Variants in RABEP1 observed in about 807,000 individuals in gnomAD.
The protein encoded by RABEP1 is rab GTPase-binding effector protein 1.
Under a neutral mutation model 123.4 loss-of-function variants are expected in RABEP1, and 51 were observed. The ratio of observed to expected loss-of-function variants is 0.41; its 90% CI spans 0.33 to 0.52. RABEP1 has a LOEUF of 0.52. RABEP1 is among the 20% of genes least tolerant of loss of function. RABEP1 has a pLI of 0.16. For synonymous variants in RABEP1, 347 were observed against 355.2 expected (o/e 0.98, Z 0.26); for missense variants, 888 against 996.3 (o/e 0.89, Z 1.46).
At chr17:5,325,741 T>C (rs1368953405) in intron 2 of RABEP1, among the ~76,000 whole-genome samples, 1 of 151,628 alleles carries the variant, frequency 6.6e-6, no homozygotes, top group Non-Finnish European at 1.5e-5. Flanking sequence ...CCGACAAATA[T>C]TTAGGGTGAT....
intron 1 of RABEP1, among the ~76,000 whole-genome samples, chr17:5,304,342 G>A (rs1416774871): frequency 1.3e-5 from 2 of 152,212 alleles, no homozygotes; most frequent in Non-Finnish European, 2.9e-5. Flanking sequence ...CACTTTGGAC[G>A]GCTGAGGCGG....
chr17:5,369,939 TC>T (rs1375102228), intron 12 of RABEP1, among the ~76,000 whole-genome samples: 1 of 152,162 alleles, frequency 6.6e-6, no homozygotes, highest in African/African-American at 2.4e-5. Context: ...CCTCAGGTGA[TC>T]CACCCGCGTT....
chr17:5,329,958 A>G (rs867100378), intron 2 of RABEP1, among the ~76,000 whole-genome samples: 2 of 152,072 alleles, frequency 1.3e-5, no homozygotes, highest in Admixed American at 1.3e-4. Flanking sequence ...TCATAATGAC[A>G]ACATGGTAGT....
intron 1 of RABEP1, among the ~76,000 whole-genome samples, chr17:5,295,492 T>G (rs781686033): frequency 8.5e-6 from 1 of 117,938 alleles, no homozygotes; most frequent in Non-Finnish European, 1.8e-5. Flanking sequence ...ATTGTTTTTA[T>G]TTTTTTCTAT....
chr17:5,334,831 G>A (rs1015049201), intron 3 of RABEP1, among the ~76,000 whole-genome samples: 2 of 152,142 alleles, frequency 1.3e-5, no homozygotes, highest in South Asian at 2.1e-4. Context: ...TGCCTTGGGA[G>A]CCATAGTATA....
At chr17:5,290,203 T>G (rs1350193748) in intron 1 of RABEP1, among the ~76,000 whole-genome samples, 1 of 152,210 alleles carries the variant, frequency 6.6e-6, no homozygotes, top group Non-Finnish European at 1.5e-5. Context: ...TTCTCCTGCC[T>G]CAGCCTCCCA....
At chr17:5,343,540 A>C (rs1907795021) in intron 5 of RABEP1, among the ~76,000 whole-genome samples, 1 of 152,142 alleles carries the variant, frequency 6.6e-6, no homozygotes, top group Non-Finnish European at 1.5e-5. Context: ...AGCCCGGGAG[A>C]CAGGTTTATT....
In RABEP1 at chr17:5,361,348, A is replaced by C; in HGVS notation, c.1236A>C (p.Gly412=). The C allele has an allele frequency of 6.2e-7, 1 of 1,614,164 alleles. No individual in the cohort carries two copies. The highest frequency in any genetic ancestry group is 1.3e-5 in the African/African-American group (1 of 75,038). ...GAGCACAGTCTACAGACAGCTTGGG[A>C]ACCTCGGGCTCATTGCAATCCAAAG... is the stretch of plus-strand genomic sequence containing the variant. The part of the protein sequence containing the change: ...LRRAQSTDSL[G]TSGSLQSKAL... Residue 412 remains glycine, a synonymous_variant, in exon 9 of 18, where the codon GGA becomes GGC. Transcript: ENST00000537505.
rs539547822 is a variant in RABEP1 at position 5,337,720 on chromosome 17, A to G, written c.529-299A>G. Among the ~76,000 whole-genome samples the G allele has an allele frequency of 3.3e-5, 5 of 152,206 alleles. No individual in the cohort carries two copies. In the South Asian group the frequency reaches 1.0e-3, roughly 32 times the overall value. On this transcript the variant is annotated intron_variant, in intron 4 of 17. Coordinates refer to ENST00000537505, the MANE Select transcript of RABEP1 (RefSeq NM_004703.6). ...AAAAAAAAATTTATTTATTATGTGT[A>G]TTTCCTTTTATATATGGGATATTTT...
At chr17:5,348,907 A>G (rs1047819957) in intron 6 of RABEP1, among the ~76,000 whole-genome samples, 6 of 152,310 alleles carry the variant, frequency 3.9e-5, no homozygotes, top group Non-Finnish European at 2.9e-5. Flanking sequence ...TTTGCATGCC[A>G]TAAAGTTCAC....
At chr17:5,380,037 T>C (rs1037272112) in intron 15 of RABEP1, among the ~76,000 whole-genome samples, 1 of 152,218 alleles carries the variant, frequency 6.6e-6, no homozygotes, top group African/African-American at 2.4e-5. Context: ...CCTGTAAAAA[T>C]GTAGGAGTCA....
At chr17:5,366,640 T>G (rs1910020204) in intron 11 of RABEP1, among the ~76,000 whole-genome samples, 1 of 151,850 alleles carries the variant, frequency 6.6e-6, no homozygotes, top group Non-Finnish European at 1.5e-5. Flanking sequence ...GAGATGGGGT[T>G]TCACGTTGTT....
chr17:5,368,573 G>T (rs1289203948), intron 12 of RABEP1, 105 bp downstream of exon 12: 6 of 763,274 alleles, frequency 7.9e-6, no homozygotes, highest in Non-Finnish European at 1.1e-5. Context: ...GTCCAAAGTA[G>T]TTACTGTTGT....
chr17:5,330,996 C>T (rs1237163421), intron 2 of RABEP1, among the ~76,000 whole-genome samples: 1 of 148,536 alleles, frequency 6.7e-6, no homozygotes, highest in Non-Finnish European at 1.5e-5. Context: ...TGCACTCCAG[C>T]CTGTGCGACA....
At chr17:5,377,331 GA>G in intron 14 of RABEP1, 26 bp downstream of exon 14, 1 of 1,537,534 alleles carries the variant, frequency 6.5e-7, no homozygotes, top group Non-Finnish European at 8.7e-7. Flanking sequence ...ATGTAGTTTA[GA>G]ATTAGAGTCA....
intron 2 of RABEP1, among the ~76,000 whole-genome samples, chr17:5,316,502 C>T (rs1458032490): frequency 5.9e-5 from 8 of 136,062 alleles, no homozygotes; most frequent in South Asian, 2.4e-4. Flanking sequence ...GATAGACATT[C>T]GCAAAAAGAA....
At chr17:5,381,568 G>C (rs776096221) in intron 17 of RABEP1, 63 bp downstream of exon 17, 3 of 1,554,524 alleles carry the variant, frequency 1.9e-6, no homozygotes, top group Non-Finnish European at 1.7e-6. Context: ...GAACCTTGCC[G>C]ATCCCTGACT....
rs1597308046 is a variant in RABEP1 at position 5,384,535 on chromosome 17, G to C, written c.*1312G>C. The C allele has an allele frequency of 4.6e-6, 1 of 215,564 alleles. No individual in the cohort carries two copies. The allele number at this position is 215,564 out of a possible 1,614,324, so 13.4% of individuals were successfully genotyped here. A position where few individuals can be genotyped will look rare whatever the true frequency, so the allele number is the denominator to read the frequency against. On this transcript the variant is annotated 3_prime_UTR_variant, in exon 18 of 18. Transcript: ENST00000537505. ...GTTAGTGAACTAGGTAGATTGTTTT[G>C]TTCACATAACGCCACCATCAACTTA... is the stretch of plus-strand genomic sequence containing the variant.
chr17:5,322,068 T>C (rs1905420337), intron 2 of RABEP1, among the ~76,000 whole-genome samples: 1 of 152,006 alleles, frequency 6.6e-6, no homozygotes, highest in Non-Finnish European at 1.5e-5. Context: ...GGCATGGAGG[T>C]GGGTGCCTGT....
Sources: gnomAD v4.1 joint callset for allele counts (sites outside exome capture counted in the v4.1 genomes callset) on GRCh38, gnomAD v4.1.1 for gene constraint, MANE v1.5 for transcripts, NCBI Gene and HGNC (gene_info 2026-07-23, HGNC 2026-07-21) for gene names.